RBFOX1: variants seen among roughly 807,000 people sequenced by gnomAD.
RBFOX1 encodes RNA binding fox-1 homolog 1.
A neutral mutation model predicts 57.7 loss-of-function variants in RBFOX1; 8 were observed. The observed-to-expected ratio is 0.14, with a 90% confidence interval of 0.08 to 0.25. The LOEUF (loss-of-function observed/expected upper bound fraction) is 0.25. Among genes scored for constraint, RBFOX1 ranks in the 10% least tolerant of loss-of-function variants. The probability of loss-of-function intolerance (pLI) is 1.00; values close to 1 mark genes in which losing one functional copy is unlikely to be tolerated. For synonymous variants in RBFOX1, 326 were observed against 222.4 expected, an observed-to-expected ratio of 1.47 and a Z score of -4.15; for missense variants, 611 against 548.5, an observed-to-expected ratio of 1.11 and a Z score of -1.14.
At chr16:5,382,996 A>G (rs2066167225) in intron 1 of RBFOX1, among the ~76,000 whole-genome samples, 1 of 152,230 alleles carries the variant, frequency 6.6e-6, no homozygotes, top group African/African-American at 2.4e-5. Context: ...AGCCATCAAG[A>G]ATAAAGTGGC....
At chr16:6,013,111 T>C (rs1481121263) in intron 4 of RBFOX1, among the ~76,000 whole-genome samples, 2 of 152,222 alleles carry the variant, frequency 1.3e-5, no homozygotes, top group African/African-American at 4.8e-5. Context: ...TGAATAGTGA[T>C]GTTTTTTAAA....
chr16:5,446,019 T>A (rs562207631), intron 1 of RBFOX1, among the ~76,000 whole-genome samples: 1 of 152,224 alleles, frequency 6.6e-6, no homozygotes, highest in Non-Finnish European at 1.5e-5. Flanking sequence ...TGATTTTTTG[T>A]TGATGGATGT....
At chr16:7,139,419 C>T (rs1015625363) in intron 4 of RBFOX1, among the ~76,000 whole-genome samples, 2 of 152,080 alleles carry the variant, frequency 1.3e-5, no homozygotes, top group Non-Finnish European at 2.9e-5. Context: ...TTCTTGAGTT[C>T]AGAGACAAAG....
intron 3 of RBFOX1, among the ~76,000 whole-genome samples, chr16:6,850,800 T>C (rs1603632233): frequency 6.6e-6 from 1 of 152,208 alleles, no homozygotes; most frequent in Admixed American, 6.5e-5. Context: ...TTAATCACTT[T>C]GGAAAATCAT....
intron 3 of RBFOX1, among the ~76,000 whole-genome samples, chr16:6,742,570 C>G (rs1334947187): frequency 1.3e-5 from 2 of 152,114 alleles, no homozygotes; most frequent in East Asian, 1.9e-4. Context: ...GAGTCAAAAA[C>G]TGGAAACAAC....
At chr16:5,821,802 G>T (rs2055867315) in intron 3 of RBFOX1, among the ~76,000 whole-genome samples, 1 of 152,122 alleles carries the variant, frequency 6.6e-6, no homozygotes, top group African/African-American at 2.4e-5. Flanking sequence ...TAGCATCCAG[G>T]ATGGTCTCTT....
At chr16:5,922,227 C>CA (rs2058839899) in intron 4 of RBFOX1, among the ~76,000 whole-genome samples, 1 of 152,132 alleles carries the variant, frequency 6.6e-6, no homozygotes, top group South Asian at 2.1e-4. Flanking sequence ...CACTCATCAC[C>CA]AAGGGGATGG....
chr16:6,585,945 C>T (rs1056966740), intron 2 of RBFOX1, among the ~76,000 whole-genome samples: 2 of 152,200 alleles, frequency 1.3e-5, no homozygotes, highest in Admixed American at 6.5e-5. Flanking sequence ...AAAGTGTGTC[C>T]AGATACCTTT....
chr16:6,096,655 C>G (rs1445772921), intron 1 of RBFOX1, among the ~76,000 whole-genome samples: 1 of 152,172 alleles, frequency 6.6e-6, no homozygotes. Context: ...ACAGTGGCAT[C>G]AATCTTACAG....
At chr16:7,690,989 C>A (rs1005446648) in intron 14 of RBFOX1, among the ~76,000 whole-genome samples, 2 of 152,060 alleles carry the variant, frequency 1.3e-5, no homozygotes, top group Non-Finnish European at 1.5e-5. Flanking sequence ...TTGATGAAAG[C>A]ATTGTTCAGG....
At chr16:6,108,974 C>T (rs76601928) in intron 1 of RBFOX1, among the ~76,000 whole-genome samples, 2 of 152,202 alleles carry the variant, frequency 1.3e-5, no homozygotes, top group Non-Finnish European at 2.9e-5. Context: ...ACCCTTTTCT[C>T]TCACAAGTTA....
chr16:5,750,849 C>G (rs762139098), intron 3 of RBFOX1, among the ~76,000 whole-genome samples: 1 of 152,234 alleles, frequency 6.6e-6, no homozygotes, highest in Non-Finnish European at 1.5e-5. Context: ...TCGGCTCACG[C>G]ATGGTGGGCT....
intron 4 of RBFOX1, among the ~76,000 whole-genome samples, chr16:7,356,102 G>T (rs764425018): frequency 2.6e-5 from 4 of 152,184 alleles, no homozygotes; most frequent in Admixed American, 2.0e-4. Flanking sequence ...ATTGATTGAC[G>T]CATTGTCATC....
chr16:5,471,422 T>C (rs1372540294), intron 2 of RBFOX1, among the ~76,000 whole-genome samples: 2 of 152,118 alleles, frequency 1.3e-5, no homozygotes. Context: ...GTGGTGTCCT[T>C]TTTCTCTCGG....
intron 4 of RBFOX1, among the ~76,000 whole-genome samples, chr16:7,219,960 A>C (rs1172413019): frequency 6.6e-6 from 1 of 152,222 alleles, no homozygotes; most frequent in African/African-American, 2.4e-5. Flanking sequence ...TTCTGAATTC[A>C]AACCAATTGA....
At chr16:7,504,738 TA>T (rs1567553848) in intron 4 of RBFOX1, among the ~76,000 whole-genome samples, 666 of 10,056 alleles carry the variant, frequency 0.066, 16 homozygotes, top group Non-Finnish European at 0.11. Context: ...TATATATATA[TA>T]TATATATATA....
intron 4 of RBFOX1, among the ~76,000 whole-genome samples, chr16:5,964,882 A>G (rs1353437870): frequency 6.6e-6 from 1 of 152,130 alleles, no homozygotes; most frequent in Non-Finnish European, 1.5e-5. Context: ...ATGGATAAAG[A>G]AAATGTGGTG....
intron 1 of RBFOX1, among the ~76,000 whole-genome samples, chr16:6,305,251 C>T (rs1443841255): frequency 6.6e-6 from 1 of 152,202 alleles, no homozygotes; most frequent in Non-Finnish European, 1.5e-5. Flanking sequence ...GTTGTGGCTT[C>T]TCAGTGAGAA....
intron 1 of RBFOX1, among the ~76,000 whole-genome samples, chr16:5,421,584 C>T (rs1006827995): frequency 3.3e-5 from 5 of 152,018 alleles, no homozygotes; most frequent in African/African-American, 1.2e-4. Flanking sequence ...GCTCCTTGGC[C>T]CAGGGAGCCC....
Sources: gnomAD v4.1 joint callset for allele counts (sites outside exome capture counted in the v4.1 genomes callset) on GRCh38, gnomAD v4.1.1 for gene constraint, MANE v1.5 for transcripts, NCBI Gene and HGNC (gene_info 2026-07-23, HGNC 2026-07-21) for gene names.